Variants in SDK2 observed in about 807,000 individuals in gnomAD.
SDK2 encodes protein sidekick-2.
In SDK2, 105 loss-of-function variants were observed where a neutral mutation model predicts 253.9. The observed-to-expected ratio is 0.41, with a 90% CI of 0.35 to 0.49. SDK2 has a LOEUF of 0.49. SDK2 is among the 20% of genes least tolerant of loss of function. The pLI, the probability that SDK2 is intolerant of heterozygous loss-of-function variation, is 0.06. For missense variants in SDK2, 2,608 were observed against 3,003.0 expected, an observed-to-expected ratio of 0.87 and a Z score of 3.07; for synonymous variants, 1,249 against 1,234.9, an observed-to-expected ratio of 1.01 and a Z score of -0.24.
chr17:73,376,487 G>A (rs2062782369), intron 36 of SDK2, among the ~76,000 whole-genome samples: 1 of 152,210 alleles, frequency 6.6e-6, no homozygotes, highest in Non-Finnish European at 1.5e-5. Flanking sequence ...TGAAGTTAAT[G>A]CGTCACTGAT....
chr17:73,623,709 C>T (rs1292313632), intron 1 of SDK2, among the ~76,000 whole-genome samples: 1 of 152,118 alleles, frequency 6.6e-6, no homozygotes, highest in African/African-American at 2.4e-5. Flanking sequence ...TCCACTGCAC[C>T]CCACCCCGCC....
Position 73,334,668 on chromosome 17 carries a change from A to C in SDK2, c.*3919T>G, listed in dbSNP as rs2062365038. 6.6e-6 allele frequency: 1 copy of C among 152,324 alleles called. No individual in the cohort carries two copies. The highest frequency in any genetic ancestry group is 2.4e-5 in the African/African-American group (1 of 41,570). 9.4% of individuals were successfully genotyped at this position (152,324 alleles called of 1,614,324 possible). A position where few individuals can be genotyped will look rare whatever the true frequency, so the allele number is the denominator to read the frequency against. On this transcript the variant is annotated 3_prime_UTR_variant, in exon 45 of 45. Transcript: ENST00000392650. The stretch of plus-strand genomic sequence containing the variant: ...ATGGATGGAGAAAGGTAACACGTTT[A>C]AATGCTTTTGGTTATTCTGATGGAA...
intron 21 of SDK2, 54 bp from the exon 22 acceptor site, chr17:73,399,343 G>A: frequency 6.2e-7 from 1 of 1,604,516 alleles, no homozygotes; most frequent in Non-Finnish European, 8.5e-7. Context: ...GGCCCCCCAT[G>A]TTGAACGGGA....
intron 33 of SDK2, 35 bp from the exon 34 acceptor site, chr17:73,380,985 G>C: frequency 7.6e-7 from 1 of 1,321,884 alleles, no homozygotes; most frequent in Non-Finnish European, 1.1e-6. Flanking sequence ...GGGGCGCAGA[G>C]GGAGACAGCA....
chr17:73,440,767 A>G (rs2145631452), intron 6 of SDK2, 45 bp downstream of exon 6: 2 of 1,385,310 alleles, frequency 1.4e-6, no homozygotes, highest in East Asian at 5.0e-5. Flanking sequence ...TGGGAGCAGC[A>G]GCTGGAGTTA....
At chr17:73,490,338 G>C (rs150584346) in intron 2 of SDK2, among the ~76,000 whole-genome samples, 2 of 152,254 alleles carry the variant, frequency 1.3e-5, no homozygotes, top group South Asian at 4.1e-4. Context: ...CAAACTACTC[G>C]GCTTTGCTCT....
At chr17:73,483,257 G>C (rs2063738060) in intron 2 of SDK2, among the ~76,000 whole-genome samples, 1 of 151,592 alleles carries the variant, frequency 6.6e-6, no homozygotes, top group Non-Finnish European at 1.5e-5. Context: ...ACATAGATGG[G>C]AGGAGAGTGG....
At chr17:73,578,458 A>C (rs1413857568) in intron 1 of SDK2, among the ~76,000 whole-genome samples, 1 of 152,104 alleles carries the variant, frequency 6.6e-6, no homozygotes, top group Non-Finnish European at 1.5e-5. Flanking sequence ...GAGCCACCAC[A>C]TTTGGGGTCA....
intron 44 of SDK2, among the ~76,000 whole-genome samples, chr17:73,339,972 G>A (rs2062420918): frequency 6.6e-6 from 1 of 152,098 alleles, no homozygotes; most frequent in African/African-American, 2.4e-5. Context: ...CCCGGTTCAA[G>A]TGATTCTCCT....
intron 22 of SDK2, 59 bp from the exon 23 acceptor site, chr17:73,398,488 G>C: frequency 6.9e-7 from 1 of 1,443,282 alleles, no homozygotes; most frequent in Non-Finnish European, 9.7e-7. Context: ...GGGGTGCTCC[G>C]AGCCCCAGTA....
rs555511220 is a variant in SDK2 at position 73,543,392 on chromosome 17, A to G, written c.65-35795T>C. Among the ~76,000 whole-genome samples, 7 of 152,276 alleles carry G rather than the reference A, an allele frequency of 4.6e-5. No individual in the cohort carries two copies. In the East Asian group the frequency reaches 1.2e-3, roughly 25 times the overall value. On this transcript the variant is annotated intron_variant, in intron 1 of 44. Transcript: ENST00000392650. ...TGCCATGCCGCTCATATCCCCTGGG[A>G]AAAGATTCCCCACTCTGAGGACAGG...
intron 6 of SDK2, among the ~76,000 whole-genome samples, chr17:73,439,291 AT>A (rs752373391): frequency 2.0e-4 from 31 of 152,160 alleles, no homozygotes; most frequent in Admixed American, 5.9e-4. Flanking sequence ...CGTGAGCCAA[AT>A]AAACCTCTTT....
chr17:73,626,296 GA>G (rs1420207247), intron 1 of SDK2, among the ~76,000 whole-genome samples: 1 of 152,216 alleles, frequency 6.6e-6, no homozygotes, highest in African/African-American at 2.4e-5. Flanking sequence ...CGGGGCTCGG[GA>G]GGGGGAGGAC....
In SDK2 at chr17:73,568,026, A is replaced by G. The variant is rs192709309; in HGVS notation, c.65-60429T>C. ...ATGTAAAAATGACATGAAATTTAGG[A>G]GGCCAGGAGTGGAATGATATGGTTT... On this transcript the variant is annotated intron_variant, in intron 1 of 44. Transcript: ENST00000392650. 8.9e-3 allele frequency among the ~76,000 whole-genome samples: 1,356 copies of G among 152,318 alleles called. 20 individuals carry two copies. Among genetic ancestry groups the G allele is most frequent in the African/African-American group, 0.026 (1,079 of 41,566 alleles).
intron 2 of SDK2, among the ~76,000 whole-genome samples, chr17:73,495,753 C>T (rs993487060): frequency 1.2e-3 from 183 of 152,006 alleles, no homozygotes; most frequent in African/African-American, 4.1e-3. Context: ...GGCCTCAGGT[C>T]GGGAGAAGGA....
chr17:73,633,568 T>G (rs1002190014), intron 1 of SDK2, among the ~76,000 whole-genome samples: 4 of 152,190 alleles, frequency 2.6e-5, no homozygotes, highest in African/African-American at 7.2e-5. Context: ...CATGAACTTG[T>G]TATATTCTCT....
rs141452799 is a variant in SDK2 at position 73,390,406 on chromosome 17, C to T, written c.4073G>A (p.Arg1358Gln). The T allele has an allele frequency of 8.1e-6, 13 of 1,612,638 alleles. No homozygotes were observed. Among genetic ancestry groups the T allele is most frequent in the African/African-American group, 5.3e-5 (4 of 74,912 alleles). The change falls in exon 29 of 45, where the codon CGG becomes CAG. Residue 1358 changes from arginine (R) to glutamine (Q), a missense_variant. Transcript: ENST00000392650. ...ATVEVLAPSA[R>Q]QYTATGLKPE... ...CTTGAGGCCCGTGGCTGTGTACTGC[C>T]GGGCGCTGGGTGCCAGCACCTCCAC...
chr17:73,392,891 C>T (rs1199654805), intron 27 of SDK2, among the ~76,000 whole-genome samples: 1 of 152,016 alleles, frequency 6.6e-6, no homozygotes, highest in Non-Finnish European at 1.5e-5. Flanking sequence ...GAGGTTCGTG[C>T]GTCCAGGAAA....
In SDK2 at chr17:73,430,601, A is replaced by T. The variant is rs1333984804; in HGVS notation, c.1493T>A (p.Ile498Asn). 1 of 1,572,154 alleles carries T rather than the reference A, an allele frequency of 6.4e-7. No homozygotes were observed. The highest frequency in any genetic ancestry group is 8.6e-7 in the Non-Finnish European group (1 of 1,158,142). Residue 498 changes from isoleucine to asparagine, a missense_variant, in exon 12 of 45, where the codon ATC (isoleucine) becomes AAC (asparagine). By Grantham distance (149) the Ile-to-Asn change is moderately radical. Coordinates refer to ENST00000392650, the MANE Select transcript of SDK2 (RefSeq NM_001144952.2). ...ADLVVWARTRITKPPQDQSVI... is the reference protein window; with the variant it reads ...ADLVVWARTRNTKPPQDQSVI... ...ACTCTGATCCTGGGGGGGCTTGGTG[A>T]TGCGGGTCCGAGCTGAAAGATACAG...
Sources: allele counts gnomAD v4.1 joint callset (sites outside exome capture counted in the v4.1 genomes callset), GRCh38; gene constraint gnomAD v4.1.1; transcripts MANE v1.5; gene names NCBI Gene and HGNC (gene_info 2026-07-23, HGNC 2026-07-21).